The following ERC2 variants were observed in gnomAD, a reference collection of about 807,000 sequenced individuals.
ERC2 encodes ELKS/RAB6-interacting/CAST family member 2.
In ERC2, 42 loss-of-function variants were observed where a neutral mutation model predicts 114.8. The observed-to-expected ratio is 0.37, with a 90% confidence interval of 0.29 to 0.47. The LOEUF (loss-of-function observed/expected upper bound fraction) is 0.47. Among genes scored for constraint, ERC2 ranks in the 20% least tolerant of loss-of-function variants. The pLI is 0.99. For missense variants in ERC2, 939 were observed against 1,150.7 expected (o/e 0.82, Z 2.66); for synonymous variants, 454 against 425.5 (o/e 1.07, Z -0.82).
At chr3:55,681,499 T>G (rs2062051819) in intron 17 of ERC2, among the ~76,000 whole-genome samples, 1 of 152,212 alleles carries the variant, frequency 6.6e-6, no homozygotes, top group Non-Finnish European at 1.5e-5. Flanking sequence ...TGGATTGTAA[T>G]GCAACTCAAA....
At chr3:56,465,687 A>C (rs2063512603) in intron 1 of ERC2, among the ~76,000 whole-genome samples, 1 of 152,218 alleles carries the variant, frequency 6.6e-6, no homozygotes, top group Admixed American at 6.5e-5. Context: ...TTTGGAACCA[A>C]ATTTTTATCG....
chr3:56,110,769 T>G (rs971501577), intron 6 of ERC2, among the ~76,000 whole-genome samples: 1 of 152,228 alleles, frequency 6.6e-6, no homozygotes, highest in African/African-American at 2.4e-5. Flanking sequence ...CCCAGCATGA[T>G]ATGATACATC....
intron 17 of ERC2, among the ~76,000 whole-genome samples, chr3:55,626,359 C>A (rs2059524085): frequency 6.6e-6 from 1 of 152,060 alleles, no homozygotes; most frequent in Non-Finnish European, 1.5e-5. Context: ...ATGTAAGGAC[C>A]CCGGATCCTT....
chr3:55,844,118 C>T (rs2061252149), intron 14 of ERC2, among the ~76,000 whole-genome samples: 1 of 152,140 alleles, frequency 6.6e-6, no homozygotes, highest in Non-Finnish European at 1.5e-5. Flanking sequence ...CTGTGAGGTC[C>T]ACTTTCATGC....
intron 17 of ERC2, among the ~76,000 whole-genome samples, chr3:55,532,362 A>G (rs1482398334): frequency 1.3e-5 from 2 of 152,194 alleles, no homozygotes; most frequent in Non-Finnish European, 1.5e-5. Flanking sequence ...TCATTTTATG[A>G]TTACAAACAA....
chr3:55,969,393 AC>A (rs1392553637), intron 12 of ERC2, among the ~76,000 whole-genome samples: 1 of 3,194 alleles, frequency 3.1e-4, no homozygotes, highest in African/African-American at 3.4e-4. Context: ...TTATACACAT[AC>A]ACACACACAC....
intron 14 of ERC2, among the ~76,000 whole-genome samples, chr3:55,870,318 T>C (rs1356984243): frequency 6.6e-6 from 1 of 152,064 alleles, no homozygotes; most frequent in Non-Finnish European, 1.5e-5. Context: ...CAAGTGATCC[T>C]CCCGCCTCAG....
chr3:56,323,409 G>A (rs73832581), intron 2 of ERC2, among the ~76,000 whole-genome samples: 2,784 of 152,196 alleles, frequency 0.018, 94 homozygotes, highest in African/African-American at 0.061. Flanking sequence ...TGAGGGAAGA[G>A]GCCCAGACAA....
rs180979276 is a variant in ERC2 at position 55,630,906 on chromosome 3, G to T, written c.*39+52888C>A. Among the ~76,000 whole-genome samples, 6 of 151,870 alleles carry T rather than the reference G, an allele frequency of 4.0e-5. No homozygotes were observed. In the East Asian group the frequency reaches 1.2e-3, roughly 29 times the overall value. ...GGAGAATCTAAGAGTGGGAAGTCACGTAACATAAAAATAAGAAAGAAGGAA... is the reference window on the plus strand; with the variant it reads ...GGAGAATCTAAGAGTGGGAAGTCACTTAACATAAAAATAAGAAAGAAGGAA... On this transcript the variant is annotated intron_variant, in intron 17 of 17. Transcript: ENST00000288221.
intron 3 of ERC2, among the ~76,000 whole-genome samples, chr3:56,286,561 T>G (rs2054731570): frequency 6.6e-6 from 1 of 152,102 alleles, no homozygotes; most frequent in Non-Finnish European, 1.5e-5. Flanking sequence ...ATGTCTTGAT[T>G]CAAAAAACTA....
chr3:56,209,786 G>T (rs971751511), intron 3 of ERC2, among the ~76,000 whole-genome samples: 13 of 152,066 alleles, frequency 8.5e-5, no homozygotes, highest in African/African-American at 3.1e-4. Context: ...CAGACAAGCA[G>T]CAGTTCCAGG....
At chr3:56,085,978 T>G (rs1425474237) in intron 6 of ERC2, among the ~76,000 whole-genome samples, 3 of 151,962 alleles carry the variant, frequency 2.0e-5, no homozygotes, top group African/African-American at 7.3e-5. Context: ...ATATGGGAGG[T>G]AGTGAGTGGT....
chr3:56,027,684 T>C (rs2074128358), intron 7 of ERC2, among the ~76,000 whole-genome samples: 1 of 152,194 alleles, frequency 6.6e-6, no homozygotes, highest in Non-Finnish European at 1.5e-5. Flanking sequence ...TATTCACCGT[T>C]GTGACTCCTT....
At chr3:56,226,293 C>A (rs893265103) in intron 3 of ERC2, among the ~76,000 whole-genome samples, 1 of 152,150 alleles carries the variant, frequency 6.6e-6, no homozygotes, top group East Asian at 1.9e-4. Context: ...CTGCAAGGAA[C>A]CGAGTTTTGT....
At chr3:56,117,753 T>C (rs1006929470) in intron 6 of ERC2, among the ~76,000 whole-genome samples, 1 of 152,158 alleles carries the variant, frequency 6.6e-6, no homozygotes, top group African/African-American at 2.4e-5. Flanking sequence ...AAAATCACAT[T>C]CGATGAGCAC....
intron 7 of ERC2, among the ~76,000 whole-genome samples, chr3:56,052,979 G>A (rs542472654): frequency 2.0e-5 from 3 of 152,198 alleles, no homozygotes; most frequent in African/African-American, 7.2e-5. Context: ...GTAGTCAGGT[G>A]GGCCAAGGAA....
chr3:56,289,516 C>T (rs1464502369), intron 3 of ERC2, among the ~76,000 whole-genome samples: 1 of 152,192 alleles, frequency 6.6e-6, no homozygotes, highest in Non-Finnish European at 1.5e-5. Context: ...GGCCTCAGAG[C>T]CCTCAGTGAT....
At chr3:56,281,706 C>T (rs527978973) in intron 3 of ERC2, among the ~76,000 whole-genome samples, 9 of 152,108 alleles carry the variant, frequency 5.9e-5, no homozygotes, top group Non-Finnish European at 1.3e-4. Flanking sequence ...CCGAGCTTTA[C>T]GAGTATTTAA....
intron 2 of ERC2, among the ~76,000 whole-genome samples, chr3:56,308,437 T>G (rs2056357435): frequency 1.3e-5 from 2 of 152,192 alleles, no homozygotes; most frequent in Non-Finnish European, 2.9e-5. Flanking sequence ...TTTATAAGAG[T>G]GACTTCCAAT....
Sources: allele counts gnomAD v4.1 joint callset (sites outside exome capture counted in the v4.1 genomes callset), GRCh38; gene constraint gnomAD v4.1.1; transcripts MANE v1.5; gene names NCBI Gene and HGNC (gene_info 2026-07-23, HGNC 2026-07-21).